PTPRN2: variants seen among roughly 807,000 people sequenced by gnomAD.
The protein encoded by PTPRN2 is receptor-type tyrosine-protein phosphatase N2.
A neutral mutation model predicts 118.8 loss-of-function variants in PTPRN2; 74 were observed. The observed-to-expected ratio is 0.62, with a 90% CI of 0.52 to 0.76. The LOEUF is 0.76. PTPRN2 is among the 30% of genes least tolerant of loss of function. PTPRN2 has a pLI of 0.00. For synonymous variants in PTPRN2, 641 were observed against 608.0 expected, an observed-to-expected ratio of 1.05 and a Z score of -0.80; for missense variants, 1,481 against 1,394.4, an observed-to-expected ratio of 1.06 and a Z score of -0.99.
chr7:157,752,419 C>T (rs988791599), intron 12 of PTPRN2, among the ~76,000 whole-genome samples: 2 of 152,224 alleles, frequency 1.3e-5, no homozygotes, highest in Non-Finnish European at 2.9e-5. Flanking sequence ...CACGTGCCCT[C>T]GTCCAGTCTC....
chr7:157,622,563 G>T lies in PTPRN2; in HGVS notation c.2197-1054C>A, dbSNP rs1585127732. Among the ~76,000 whole-genome samples the T allele has an allele frequency of 1.3e-5, 2 of 152,174 alleles. No individual in the cohort carries two copies. Among genetic ancestry groups the T allele is most frequent in the South Asian group, 4.1e-4 (2 of 4,832 alleles). ...GGACACGGCGAGGCGGGAATCTCAG[G>T]TCATCGTGCCGTCTAGTGGAAGTTT... On this transcript the variant is annotated intron_variant, in intron 14 of 22. Transcript: ENST00000389418. The surrounding 1 kb of genome is among the most constrained non-coding windows in gnomAD (Gnocchi z 5.3).
At chr7:158,023,181 T>A (rs1378755235) in intron 11 of PTPRN2, among the ~76,000 whole-genome samples, 3 of 152,208 alleles carry the variant, frequency 2.0e-5, no homozygotes, top group African/African-American at 7.2e-5. Context: ...TAAGCCCATG[T>A]CGACAAGGAG....
At chr7:157,681,249 C>T (rs543719443) in intron 13 of PTPRN2, among the ~76,000 whole-genome samples, 12 of 152,326 alleles carry the variant, frequency 7.9e-5, no homozygotes, top group Admixed American at 7.8e-4. Flanking sequence ...ACGCATGGAA[C>T]AGAACTGGTG....
At chr7:158,265,778 C>T (rs1002903630) in intron 3 of PTPRN2, among the ~76,000 whole-genome samples, 1 of 152,232 alleles carries the variant, frequency 6.6e-6, no homozygotes, top group South Asian at 2.1e-4. Flanking sequence ...TCCAGGCACA[C>T]ATCAAAGGCG....
intron 12 of PTPRN2, among the ~76,000 whole-genome samples, chr7:157,810,067 G>A (rs1805892982): frequency 6.6e-6 from 1 of 152,222 alleles, no homozygotes. Context: ...GAGAGGACAG[G>A]GGAGCTTCCC....
chr7:158,490,641 A>G (rs1365381681), intron 1 of PTPRN2, among the ~76,000 whole-genome samples: 2 of 152,264 alleles, frequency 1.3e-5, no homozygotes, highest in Non-Finnish European at 2.9e-5. Context: ...CCCCAGGGCC[A>G]CTAGGCGGGA....
intron 1 of PTPRN2, among the ~76,000 whole-genome samples, chr7:158,503,284 T>C (rs1822506447): frequency 6.6e-6 from 1 of 152,280 alleles, no homozygotes; most frequent in South Asian, 2.1e-4. Context: ...AACTCACATT[T>C]GACTCAGATA....
intron 2 of PTPRN2, among the ~76,000 whole-genome samples, chr7:158,317,208 C>T (rs1195279942): frequency 6.6e-6 from 1 of 152,198 alleles, no homozygotes; most frequent in South Asian, 2.1e-4. Context: ...ACCCCCCGAG[C>T]CCTCCTTTTA....
At chr7:157,757,410 G>T (rs1272698905) in intron 12 of PTPRN2, among the ~76,000 whole-genome samples, 14 of 152,128 alleles carry the variant, frequency 9.2e-5, no homozygotes, top group Non-Finnish European at 1.9e-4. Flanking sequence ...CTCACCCTCC[G>T]ACTGAGGCAG....
At chr7:157,662,298 C>T (rs181471416) in intron 13 of PTPRN2, among the ~76,000 whole-genome samples, 3 of 152,318 alleles carry the variant, frequency 2.0e-5, no homozygotes, top group Non-Finnish European at 2.9e-5. Flanking sequence ...GTTCCTACTA[C>T]GATGATTATT....
At chr7:158,189,792 G>A (rs1412163436) in intron 5 of PTPRN2, among the ~76,000 whole-genome samples, 1 of 152,248 alleles carries the variant, frequency 6.6e-6, no homozygotes, top group African/African-American at 2.4e-5. Context: ...CCCAGCAGCA[G>A]TGGAGGCAGA....
intron 2 of PTPRN2, among the ~76,000 whole-genome samples, chr7:158,343,869 C>A (rs1434905602): frequency 6.6e-6 from 1 of 150,728 alleles, no homozygotes; most frequent in African/African-American, 2.4e-5. Flanking sequence ...CAGCTACAAT[C>A]GAGCTCAGGT....
chr7:158,292,699 C>G (rs747890976), intron 3 of PTPRN2, among the ~76,000 whole-genome samples: 6 of 152,220 alleles, frequency 3.9e-5, no homozygotes, highest in Admixed American at 6.5e-5. Context: ...CTGAATGCTA[C>G]AGGCAATTGT....
chr7:158,432,241 A>G (rs1003238274), intron 2 of PTPRN2, among the ~76,000 whole-genome samples: 8 of 152,148 alleles, frequency 5.3e-5, no homozygotes, highest in African/African-American at 1.9e-4. Flanking sequence ...AACCACACAC[A>G]GTGACTCATG....
chr7:158,442,302 T>G (rs1232675254), intron 2 of PTPRN2, among the ~76,000 whole-genome samples: 1 of 152,102 alleles, frequency 6.6e-6, no homozygotes, highest in Non-Finnish European at 1.5e-5. Flanking sequence ...ATACAATGTG[T>G]AAAGAAGCTG....
chr7:158,188,161 T>TGGGAAGGCCGCCACACTCGCCCCGCGATG (rs1825342401), intron 5 of PTPRN2, among the ~76,000 whole-genome samples: 1 of 111,044 alleles, frequency 9.0e-6, no homozygotes, highest in South Asian at 3.1e-4. Context: ...CCCCCTGTAC[T>TGGGAAGGCCGCCACACTCGCCCCGCGATG]GGGAAGGCCG....
At chr7:158,267,610 G>A (rs1797970227) in intron 3 of PTPRN2, among the ~76,000 whole-genome samples, 2 of 152,188 alleles carry the variant, frequency 1.3e-5, no homozygotes, top group African/African-American at 4.8e-5. Flanking sequence ...ACCGTGGCCT[G>A]GGGGCCTGCC....
chr7:158,188,695 C>T (rs117569032), intron 5 of PTPRN2, among the ~76,000 whole-genome samples: 138 of 144,436 alleles, frequency 9.6e-4, no homozygotes, highest in East Asian at 6.4e-3. Flanking sequence ...CTGGAAAGGC[C>T]GCCACGCCCG....
At chr7:158,279,825 G>A (rs1179959464) in intron 3 of PTPRN2, among the ~76,000 whole-genome samples, 1 of 152,204 alleles carries the variant, frequency 6.6e-6, no homozygotes, top group Admixed American at 6.5e-5. Context: ...CCCGGCCAGA[G>A]CAGACACCGA....
Sources: allele counts gnomAD v4.1 joint callset (sites outside exome capture counted in the v4.1 genomes callset), GRCh38; gene constraint gnomAD v4.1.1; non-coding constraint Gnocchi (gnomAD v3.1); transcripts MANE v1.5; gene names NCBI Gene and HGNC (gene_info 2026-07-23, HGNC 2026-07-21).